The following MAP4K4 variants were observed in gnomAD, a reference collection of about 807,000 sequenced individuals.
The protein encoded by MAP4K4 is mitogen-activated protein kinase kinase kinase kinase 4.
A neutral mutation model predicts 189.6 loss-of-function variants in MAP4K4; 38 were observed. The ratio of observed to expected loss-of-function variants is 0.20; its 90% CI spans 0.15 to 0.26. MAP4K4 has a LOEUF of 0.26. Ranked by LOEUF, MAP4K4 falls within the 10% of genes least tolerant of loss-of-function variation. The probability of loss-of-function intolerance (pLI) is 1.00; values close to 1 mark genes in which losing one functional copy is unlikely to be tolerated. For synonymous variants in MAP4K4, 610 were observed against 624.3 expected (o/e 0.98, Z 0.34); for missense variants, 1,054 against 1,726.9 (o/e 0.61, Z 6.91).
chr2:101,823,695 C>A (rs1292850892), intron 3 of MAP4K4, among the ~76,000 whole-genome samples: 3 of 152,170 alleles, frequency 2.0e-5, no homozygotes, highest in Non-Finnish European at 4.4e-5. Flanking sequence ...ACTATCCCTG[C>A]GGCTCTCCGT....
rs900247807 is a variant in MAP4K4 at position 101,757,589 on chromosome 2, G to A, written c.124-33131G>A. Among the ~76,000 whole-genome samples the A allele has an allele frequency of 1.2e-4, 18 of 152,200 alleles. 1 individual carries two copies. On this transcript the variant is annotated intron_variant, in intron 2 of 32. Coordinates refer to ENST00000324219, the Ensembl canonical transcript of MAP4K4. ...ACACAGTCCCCCCTTATCCACGGGGGATACATTCCAAGACCCCCAGTGGAT... is the reference window on the plus strand; with the variant it reads ...ACACAGTCCCCCCTTATCCACGGGGAATACATTCCAAGACCCCCAGTGGAT...
chr2:101,846,121 C>T (rs1031424582), intron 12 of MAP4K4, among the ~76,000 whole-genome samples: 9 of 152,192 alleles, frequency 5.9e-5, no homozygotes, highest in Non-Finnish European at 8.8e-5. Flanking sequence ...ACAGGACGTA[C>T]GTTCCCCTGT....
intron 2 of MAP4K4, among the ~76,000 whole-genome samples, chr2:101,738,696 T>G (rs1276320904): frequency 6.6e-6 from 1 of 152,060 alleles, no homozygotes; most frequent in East Asian, 1.9e-4. Context: ...GTTGCTTCCT[T>G]GAAGATCTGA....
At chr2:101,822,019 A>G (rs1489444686) in intron 3 of MAP4K4, among the ~76,000 whole-genome samples, 2 of 152,178 alleles carry the variant, frequency 1.3e-5, no homozygotes, top group African/African-American at 2.4e-5. Flanking sequence ...GAAGGTCTTC[A>G]AGGGCAGTCA....
intron 17 of MAP4K4, 75 bp from the exon 18 acceptor site, chr2:101,864,855 T>C: frequency 1.0e-6 from 1 of 971,310 alleles, no homozygotes; most frequent in East Asian, 2.6e-5. Flanking sequence ...GCTTTAAAAA[T>C]ATATTTTGGT....
rs1417521679 is a variant in MAP4K4 at position 101,871,477 on chromosome 2, G to A, written c.2761-17G>A. 6.6e-7 allele frequency: 1 copy of A among 1,522,984 alleles called. No homozygotes were observed. Among genetic ancestry groups the A allele is most frequent in the South Asian group, 1.2e-5 (1 of 82,920 alleles). The allele number at this position is 1,522,984 out of a possible 1,614,324, so 94.3% of individuals were successfully genotyped here. The stretch of plus-strand genomic sequence containing the variant: ...AGCAGCGCTTGAGCGAGACAAGTGT[G>A]CCTGTTTTTTCTACAGAGTACAGTT... On this transcript the variant is annotated splice_polypyrimidine_tract_variant and intron_variant, in intron 23 of 32. Coordinates refer to ENST00000324219, the Ensembl canonical transcript of MAP4K4.
At chr2:101,812,231 C>T (rs950235319) in intron 3 of MAP4K4, among the ~76,000 whole-genome samples, 3 of 152,152 alleles carry the variant, frequency 2.0e-5, no homozygotes, top group African/African-American at 4.8e-5. Context: ...TCAAGTTAGC[C>T]AGACTGACTC....
At chr2:101,728,203 T>C (rs1366345619) in intron 2 of MAP4K4, among the ~76,000 whole-genome samples, 2 of 152,206 alleles carry the variant, frequency 1.3e-5, no homozygotes, top group African/African-American at 4.8e-5. Flanking sequence ...CTCTGCAGCA[T>C]GCTAGCAAGA....
At chr2:101,891,424 T>TC in exon 33 of MAP4K4, 1 of 569,666 alleles carries the variant, frequency 1.8e-6, no homozygotes, top group Admixed American at 3.1e-5. Context: ...TACCAGTTTA[T>TC]CCCCATTCTT....
intron 3 of MAP4K4, among the ~76,000 whole-genome samples, chr2:101,809,337 A>G (rs1052882326): frequency 2.1e-5 from 3 of 145,674 alleles, no homozygotes; most frequent in East Asian, 2.0e-4. Flanking sequence ...CTGAACAAGC[A>G]CTTTTTATTC....
intron 3 of MAP4K4, among the ~76,000 whole-genome samples, chr2:101,812,196 G>A (rs2095471619): frequency 6.6e-6 from 1 of 152,152 alleles, no homozygotes; most frequent in Admixed American, 6.5e-5. Context: ...CACCCCATGA[G>A]AGTTCTAGTT....
At chr2:101,821,646 T>C (rs767984062) in intron 3 of MAP4K4, among the ~76,000 whole-genome samples, 3 of 152,210 alleles carry the variant, frequency 2.0e-5, no homozygotes, top group Non-Finnish European at 4.4e-5. Flanking sequence ...TGAGTGAATG[T>C]GAAGGCCTAG....
intron 2 of MAP4K4, among the ~76,000 whole-genome samples, chr2:101,789,099 GGTTTCTGTCAGCGA>G (rs1045657962): frequency 7.9e-5 from 12 of 152,130 alleles, no homozygotes; most frequent in Non-Finnish European, 5.9e-5. Flanking sequence ...CTCATCATTT[GGTTTCTGTCAGCGA>G]GAAATATGCT....
At chr2:101,784,736 T>G (rs1443538674) in intron 2 of MAP4K4, among the ~76,000 whole-genome samples, 4 of 152,184 alleles carry the variant, frequency 2.6e-5, no homozygotes, top group Non-Finnish European at 5.9e-5. Context: ...TTGCCATGTT[T>G]GATTATATCT....
In MAP4K4 at chr2:101,813,586, T is replaced by C. The variant is rs531638019; in HGVS notation, c.181-10342T>C. 3.3e-5 allele frequency among the ~76,000 whole-genome samples: 5 copies of C among 152,372 alleles called. No individual in the cohort carries two copies. The South Asian group carries it at 1.0e-3, about 32-fold the overall frequency. On this transcript the variant is annotated intron_variant, in intron 3 of 32. Transcript: ENST00000324219. ...TTTTCCAAGAGAGGCACTTGCAGTTTATCATTATCTTGTATGAACACAGGT... is the reference window on the plus strand; with the variant it reads ...TTTTCCAAGAGAGGCACTTGCAGTTCATCATTATCTTGTATGAACACAGGT...
At chr2:101,774,491 T>C (rs981993559) in intron 2 of MAP4K4, among the ~76,000 whole-genome samples, 2 of 152,196 alleles carry the variant, frequency 1.3e-5, no homozygotes, top group African/African-American at 4.8e-5. Context: ...TTTGCAAATA[T>C]TGTCTCTCAT....
At chr2:101,876,370 G>C (rs1253693066) in intron 26 of MAP4K4, among the ~76,000 whole-genome samples, 1 of 152,188 alleles carries the variant, frequency 6.6e-6, no homozygotes, top group East Asian at 1.9e-4. Context: ...GACGGTACAA[G>C]GTTAGAGAAG....
At chr2:101,706,428 C>A (rs1233546470) in intron 2 of MAP4K4, among the ~76,000 whole-genome samples, 1 of 152,210 alleles carries the variant, frequency 6.6e-6, no homozygotes, top group African/African-American at 2.4e-5. Context: ...TAAACAGTCT[C>A]ATACGATTAC....
At chr2:101,759,848 C>CT (rs2075397747) in intron 2 of MAP4K4, among the ~76,000 whole-genome samples, 1 of 143,378 alleles carries the variant, frequency 7.0e-6, no homozygotes, top group Non-Finnish European at 1.5e-5. Flanking sequence ...CCCTTTCCAT[C>CT]CGTCTCCTCT....
Sources: gnomAD v4.1 joint callset for allele counts (sites outside exome capture counted in the v4.1 genomes callset) on GRCh38, gnomAD v4.1.1 for gene constraint, MANE v1.5 for transcripts, NCBI Gene and HGNC (gene_info 2026-07-23, HGNC 2026-07-21) for gene names.